The following TRPC5 variants were observed in gnomAD, a reference collection of about 807,000 sequenced individuals.
The protein encoded by TRPC5 is transient receptor potential cation channel subfamily C member 5.
Under a neutral mutation model 56.5 loss-of-function variants are expected in TRPC5, and 9 were observed. The ratio of observed to expected loss-of-function variants is 0.16; its 90% confidence interval spans 0.10 to 0.28. The LOEUF is 0.28. Ranked by LOEUF, TRPC5 falls within the 10% of genes least tolerant of loss-of-function variation. TRPC5 has a pLI of 1.00. For synonymous variants in TRPC5, 282 were observed against 278.5 expected, an observed-to-expected ratio of 1.01 and a Z score of -0.13; for missense variants, 469 against 748.9, an observed-to-expected ratio of 0.63 and a Z score of 4.36.
chrX:111,776,414 CTA>C lies in TRPC5; in HGVS notation c.2819_2820del (p.Leu940Ter), dbSNP rs1945878679. The stretch of plus-strand genomic sequence containing the variant: ...GTTTCAAATACATCCTCTGAGGAGT[CTA>C]AAAGTTTAGAATTTGAGGAGCAGAT... ...SSICSSNSKL[L>X]DSSEDVFETW... On this transcript the variant is annotated frameshift_variant, in exon 11 of 11. Transcript: ENST00000262839. LOFTEE classifies it high-confidence loss of function. 8.3e-7 allele frequency: 1 copy of C among 1,211,292 alleles called. No homozygotes were observed. The highest frequency in any genetic ancestry group is 1.1e-6 in the Non-Finnish European group (1 of 895,369).
rs1391630102 is a variant in TRPC5, at chrX:111,774,159, A to G, written c.*2154T>C. Among the ~76,000 whole-genome samples, 1 of 112,208 alleles carries G rather than the reference A, an allele frequency of 8.9e-6. No homozygotes were observed. Among genetic ancestry groups the G allele is most frequent in the African/African-American group, 3.2e-5 (1 of 30,867 alleles). On this transcript the variant is annotated 3_prime_UTR_variant, in exon 11 of 11. Transcript: ENST00000262839. Reference sequence around the variant, plus strand: ...CTCTTTAGAACGTAAGTGACAGAAGACTTTTGGAATACAGTTCCATGTCTG... The same window carrying G: ...CTCTTTAGAACGTAAGTGACAGAAGGCTTTTGGAATACAGTTCCATGTCTG...
intron 1 of TRPC5, among the ~76,000 whole-genome samples, chrX:112,014,282 C>T (rs1929064442): frequency 8.9e-6 from 1 of 112,309 alleles, no homozygotes; most frequent in African/African-American, 3.2e-5. Flanking sequence ...GATAGTACCT[C>T]AGTTTTCTCC....
chrX:111,772,008 C>G lies in TRPC5; in HGVS notation c.*4305G>C, dbSNP rs1603020645. 9.0e-6 allele frequency among the ~76,000 whole-genome samples: 1 copy of G among 111,170 alleles called. No individual in the cohort carries two copies. Among genetic ancestry groups the G allele is most frequent in the East Asian group, 2.8e-4 (1 of 3,535 alleles). ...TGCTGTTAAGTTTTGTTATGTGTGT[C>G]TATGTATATACACAGACACGTTCTC... On this transcript the variant is annotated 3_prime_UTR_variant, in exon 11 of 11. Transcript: ENST00000262839.
At chrX:111,860,033 C>A (rs747482532) in intron 3 of TRPC5, among the ~76,000 whole-genome samples, 1 of 112,606 alleles carries the variant, frequency 8.9e-6, no homozygotes, top group Admixed American at 9.3e-5. Flanking sequence ...CTCGGCCTCC[C>A]GAGTAGCTGG....
chrX:111,862,162 A>G (rs1330089019), intron 3 of TRPC5, among the ~76,000 whole-genome samples: 2 of 111,815 alleles, frequency 1.8e-5, no homozygotes, highest in Non-Finnish European at 3.8e-5. Context: ...TCGGCATGGG[A>G]ATTATACTTT....
intron 1 of TRPC5, among the ~76,000 whole-genome samples, chrX:112,060,574 A>G (rs1930437380): frequency 8.9e-6 from 1 of 112,104 alleles, no homozygotes; most frequent in Non-Finnish European, 1.9e-5. Flanking sequence ...TTTGTCAAAA[A>G]CATTGGGGTT....
intron 7 of TRPC5, among the ~76,000 whole-genome samples, chrX:111,830,749 G>A (rs767295766): frequency 8.9e-6 from 1 of 112,142 alleles, no homozygotes; most frequent in Admixed American, 9.5e-5. Flanking sequence ...GGAACTGTGA[G>A]TCAATTAAAA....
intron 1 of TRPC5, among the ~76,000 whole-genome samples, chrX:111,965,856 C>G (rs1173439078): frequency 9.0e-6 from 1 of 111,060 alleles, no homozygotes; most frequent in Non-Finnish European, 1.9e-5. Flanking sequence ...GCACTAAATG[C>G]CCACAAGAGA....
intron 7 of TRPC5, among the ~76,000 whole-genome samples, chrX:111,815,387 C>T (rs920490975): frequency 2.7e-5 from 3 of 110,885 alleles, no homozygotes; most frequent in East Asian, 2.8e-4. Flanking sequence ...TGCAGGTGGT[C>T]GCTGACCATT....
At chrX:111,786,509 A>C (rs962535034) in intron 7 of TRPC5, among the ~76,000 whole-genome samples, 2 of 111,552 alleles carry the variant, frequency 1.8e-5, no homozygotes, top group African/African-American at 6.5e-5. Context: ...TGCATCAATT[A>C]ACGGGCAAAA....
At chrX:111,966,486 A>G (rs1156971038) in intron 1 of TRPC5, among the ~76,000 whole-genome samples, 1 of 112,124 alleles carries the variant, frequency 8.9e-6, no homozygotes, top group Non-Finnish European at 1.9e-5. Context: ...TGATGAGGCC[A>G]GCATCATCCT....
intron 1 of TRPC5, among the ~76,000 whole-genome samples, chrX:111,985,757 C>G (rs941933667): frequency 1.8e-5 from 2 of 111,769 alleles, no homozygotes; most frequent in Non-Finnish European, 3.8e-5. Context: ...TTAGGGACTC[C>G]GTGATTAAGT....
intron 1 of TRPC5, among the ~76,000 whole-genome samples, chrX:112,069,671 T>C (rs1930668134): frequency 8.9e-6 from 1 of 112,239 alleles, no homozygotes; most frequent in Non-Finnish European, 1.9e-5. Context: ...TCTGAATCTG[T>C]AGCCTCCTCA....
At position 111,941,109 on chromosome X, in the gene TRPC5, C is replaced by G. The variant is rs1409344672; in HGVS notation, c.378+10934G>C. ...TATATATTCACATCACCTCCTATAACCTGTTAACTATATATGTTTAGCTAA... is the reference window on the plus strand; with the variant it reads ...TATATATTCACATCACCTCCTATAAGCTGTTAACTATATATGTTTAGCTAA... On this transcript the variant is annotated intron_variant, in intron 2 of 10. Coordinates refer to ENST00000262839, the MANE Select transcript of TRPC5 (RefSeq NM_012471.3). Among the ~76,000 whole-genome samples, 3 of 112,242 alleles carry G rather than the reference C, an allele frequency of 2.7e-5. No homozygotes were observed. The South Asian group carries it at 1.1e-3, about 42-fold the overall frequency.
At chrX:111,941,118 T>A (rs1472635980) in intron 2 of TRPC5, among the ~76,000 whole-genome samples, 1 of 112,303 alleles carries the variant, frequency 8.9e-6, no homozygotes, top group Non-Finnish European at 1.9e-5. Context: ...ACCTGTTAAC[T>A]ATATATGTTT....
chrX:111,830,945 C>T (rs113092038), intron 7 of TRPC5, among the ~76,000 whole-genome samples: 2,368 of 112,293 alleles, frequency 0.021, 46 homozygotes, highest in African/African-American at 0.072. Flanking sequence ...TGCAGAATCC[C>T]TTTTGCCACA....
intron 6 of TRPC5, among the ~76,000 whole-genome samples, chrX:111,836,379 A>G (rs1922564477): frequency 1.8e-5 from 2 of 111,901 alleles, no homozygotes; most frequent in Non-Finnish European, 3.8e-5. Flanking sequence ...GTTCTTAATG[A>G]GCACAATGTA....
At chrX:111,780,064 A>AG (rs1945908027) in intron 9 of TRPC5, among the ~76,000 whole-genome samples, 1 of 111,930 alleles carries the variant, frequency 8.9e-6, no homozygotes, top group East Asian at 2.8e-4. Context: ...TTATGGTCTA[A>AG]GGGGAACAAA....
rs1427552941 is a variant in TRPC5 at position 111,983,284 on chromosome X, A to G, written c.-21-30843T>C. Among the ~76,000 whole-genome samples, 6 of 111,598 alleles carry G rather than the reference A, an allele frequency of 5.4e-5. No homozygotes were observed. The East Asian group carries it at 1.1e-3, about 21-fold the overall frequency. ...GGTACGCCTTGGTGAGTGGGAGTCCATGTTGCTGAGCCCATCGATTACCTC... is the reference window on the plus strand; with the variant it reads ...GGTACGCCTTGGTGAGTGGGAGTCCGTGTTGCTGAGCCCATCGATTACCTC... On this transcript the variant is annotated intron_variant, in intron 1 of 10. Coordinates refer to ENST00000262839, the MANE Select transcript of TRPC5 (RefSeq NM_012471.3).
Sources: allele counts gnomAD v4.1 joint callset (sites outside exome capture counted in the v4.1 genomes callset), GRCh38; gene constraint gnomAD v4.1.1; transcripts MANE v1.5; gene names NCBI Gene and HGNC (gene_info 2026-07-23, HGNC 2026-07-21).